Variants in ST8SIA1 observed in about 807,000 individuals in gnomAD.
ST8SIA1 encodes the protein ST8 alpha-N-acetyl-neuraminide alpha-2,8-sialyltransferase 1, also known as alpha-N-acetylneuraminide alpha-2,8-sialyltransferase.
Under a neutral mutation model 35.9 loss-of-function variants are expected in ST8SIA1, and 16 were observed. The ratio of observed to expected loss-of-function variants is 0.45; its 90% CI spans 0.30 to 0.68. ST8SIA1 has a LOEUF of 0.68. Among genes scored for constraint, ST8SIA1 ranks in the 30% least tolerant of loss-of-function variants. The pLI, the probability that ST8SIA1 is intolerant of heterozygous loss-of-function variation, is 0.09. For missense variants in ST8SIA1, 383 were observed against 453.6 expected (o/e 0.84, Z 1.41); for synonymous variants, 170 against 169.6 (o/e 1.00, Z -0.02).
intron 4 of ST8SIA1, among the ~76,000 whole-genome samples, chr12:22,227,299 G>T (rs1865370298): frequency 6.6e-6 from 1 of 151,936 alleles, no homozygotes; most frequent in South Asian, 2.1e-4. Context: ...TTGAGGCCAG[G>T]CGCGGTGGCT....
Position 22,193,556 on chromosome 12 carries a change from A to C in ST8SIA1, c.*7996T>G, listed in dbSNP as rs1161029727. ...AGCAAACCTCCTCCTATGACATTGC[A>C]TTTAGATTCGGTGGAAAGAAGCAAG... is the stretch of plus-strand genomic sequence containing the variant. On this transcript the variant is annotated 3_prime_UTR_variant, in exon 5 of 5. Transcript: ENST00000396037. The C allele has an allele frequency of 6.6e-6, 1 of 152,214 alleles. No individual in the cohort carries two copies. The highest frequency in any genetic ancestry group is 1.5e-5 in the Non-Finnish European group (1 of 68,032). 9.4% of individuals were successfully genotyped at this position (152,214 alleles called of 1,614,324 possible).
In ST8SIA1 at chr12:22,200,040, T is replaced by C. The variant is rs12815906; in HGVS notation, c.*1512A>G. The C allele has an allele frequency of 0.11, 16,194 of 152,284 alleles. 1,111 individuals are homozygous for C. Among genetic ancestry groups the C allele is most frequent in the Middle Eastern group, 0.21 (61 of 294 alleles). 9.4% of individuals were successfully genotyped at this position (152,284 alleles called of 1,614,324 possible). ...GTGTATCAAAGCTGTTGTAACAAGC[T>C]AAGTAGTCCTACCTGCTACTAAGGA... On this transcript the variant is annotated 3_prime_UTR_variant, in exon 5 of 5. Transcript: ENST00000396037.
At chr12:22,244,471 A>T (rs2120736180) in intron 4 of ST8SIA1, among the ~76,000 whole-genome samples, 1 of 152,084 alleles carries the variant, frequency 6.6e-6, no homozygotes, top group Admixed American at 6.6e-5. Flanking sequence ...ATTTTAAATA[A>T]TTATTATTAT....
Position 22,197,044 on chromosome 12 carries a change from C to T in ST8SIA1, c.*4508G>A, listed in dbSNP as rs926336713. 6.6e-6 allele frequency: 1 copy of T among 152,158 alleles called. No individual in the cohort carries two copies. Among genetic ancestry groups the T allele is most frequent in the Non-Finnish European group, 1.5e-5 (1 of 68,056 alleles). The allele number at this position is 152,158 out of a possible 1,614,324, so 9.4% of individuals were successfully genotyped here. A position where few individuals can be genotyped will look rare whatever the true frequency, so the allele number is the denominator to read the frequency against. ...AACTTGCCTCACCCTCCTCCTAGCA[C>T]ATAGTGGAATGAAGTTGCTAGTTAT... is the stretch of plus-strand genomic sequence containing the variant. On this transcript the variant is annotated 3_prime_UTR_variant, in exon 5 of 5. Coordinates refer to ENST00000396037, the MANE Select transcript of ST8SIA1 (RefSeq NM_003034.4).
At chr12:22,293,245 AC>A (rs1866201231) in intron 1 of ST8SIA1, among the ~76,000 whole-genome samples, 1 of 152,242 alleles carries the variant, frequency 6.6e-6, no homozygotes, top group Admixed American at 6.5e-5. Context: ...CAGCACAGAG[AC>A]TACAGGAATA....
At chr12:22,288,745 G>A (rs150446030) in intron 1 of ST8SIA1, among the ~76,000 whole-genome samples, 4 of 152,178 alleles carry the variant, frequency 2.6e-5, no homozygotes, top group Non-Finnish European at 4.4e-5. Context: ...TTGGTAGACC[G>A]AGTGTCTCTT....
chr12:22,231,551 A>G (rs1228769938), intron 4 of ST8SIA1, among the ~76,000 whole-genome samples: 2 of 152,006 alleles, frequency 1.3e-5, no homozygotes, highest in African/African-American at 2.4e-5. Flanking sequence ...TGCTAATGCA[A>G]TAAGATTTTT....
Position 22,196,058 on chromosome 12 carries a change from A to C in ST8SIA1, c.*5494T>G, listed in dbSNP as rs1864983890. ...ATATCCCACAGCTTCAACAAGAAAA[A>C]AATTACCTGAAAGAATTTTAGCACA... On this transcript the variant is annotated 3_prime_UTR_variant, in exon 5 of 5. Transcript: ENST00000396037. The C allele has an allele frequency of 6.6e-6, 1 of 152,202 alleles. No individual in the cohort carries two copies. Among genetic ancestry groups the C allele is most frequent in the African/African-American group, 2.4e-5 (1 of 41,462 alleles). 9.4% of individuals were successfully genotyped at this position (152,202 alleles called of 1,614,324 possible).
At chr12:22,208,032 C>T (rs1865133076) in intron 4 of ST8SIA1, among the ~76,000 whole-genome samples, 1 of 150,238 alleles carries the variant, frequency 6.7e-6, no homozygotes, top group Non-Finnish European at 1.5e-5. Flanking sequence ...AATCTCAGCT[C>T]AGGAGGCTGA....
At chr12:22,269,830 G>A (rs988906911) in intron 2 of ST8SIA1, among the ~76,000 whole-genome samples, 10 of 152,138 alleles carry the variant, frequency 6.6e-5, no homozygotes, top group African/African-American at 2.2e-4. Flanking sequence ...TCCATATAGA[G>A]GTCCTCCTGC....
chr12:22,224,681 T>C (rs1262618619), intron 4 of ST8SIA1, among the ~76,000 whole-genome samples: 2 of 152,232 alleles, frequency 1.3e-5, no homozygotes, highest in Non-Finnish European at 2.9e-5. Context: ...AATGTATAAA[T>C]CATTTTTCTT....
chr12:22,289,557 A>T lies in ST8SIA1; in HGVS notation c.237-2264T>A, dbSNP rs553513188. On this transcript the variant is annotated intron_variant, in intron 1 of 4. Transcript: ENST00000396037. ...ATAGGTATTTTTCTACTGAATTCTC[A>T]CAGTAACCCATGAGCTGGATGACTT... Among the ~76,000 whole-genome samples, 36 of 152,316 alleles carry T rather than the reference A, an allele frequency of 2.4e-4. 2 individuals carry two copies. The South Asian group carries it at 7.0e-3, about 30-fold the overall frequency.
intron 1 of ST8SIA1, among the ~76,000 whole-genome samples, chr12:22,300,165 C>T (rs866121015): frequency 2.6e-5 from 4 of 152,062 alleles, no homozygotes; most frequent in African/African-American, 9.7e-5. Flanking sequence ...GCTTTGACTC[C>T]TGGGTCTAAA....
rs1865017369 is a variant in ST8SIA1, at chr12:22,198,715, G to A, written c.*2837C>T. The A allele has an allele frequency of 6.6e-6, 1 of 152,040 alleles. No homozygotes were observed. Among genetic ancestry groups the A allele is most frequent in the Admixed American group, 6.6e-5 (1 of 15,246 alleles). 9.4% of individuals were successfully genotyped at this position (152,040 alleles called of 1,614,324 possible). ...TCTATCTTTAAGTGAAGACAAGGTG[G>A]AACAATCAAAATTTCATTTTGGTCT... is the stretch of plus-strand genomic sequence containing the variant. On this transcript the variant is annotated 3_prime_UTR_variant, in exon 5 of 5. Coordinates refer to ENST00000396037, the MANE Select transcript of ST8SIA1 (RefSeq NM_003034.4).
intron 4 of ST8SIA1, among the ~76,000 whole-genome samples, chr12:22,226,121 T>G: frequency 6.6e-6 from 1 of 152,366 alleles, no homozygotes; most frequent in African/African-American, 2.4e-5. Flanking sequence ...CATATGTATA[T>G]AGTACATATT....
intron 1 of ST8SIA1, among the ~76,000 whole-genome samples, chr12:22,315,584 T>C (rs928320978): frequency 6.6e-6 from 1 of 152,114 alleles, no homozygotes; most frequent in East Asian, 1.9e-4. Flanking sequence ...CAGATTCTTT[T>C]GATTTAAGCA....
intron 4 of ST8SIA1, chr12:22,248,787 T>C: frequency 2.1e-6 from 1 of 487,254 alleles, no homozygotes; most frequent in East Asian, 3.3e-5. Context: ...TTCTATCATC[T>C]CTAAAGGCAA....
At chr12:22,225,551 T>A (rs1460173250) in intron 4 of ST8SIA1, among the ~76,000 whole-genome samples, 3 of 152,224 alleles carry the variant, frequency 2.0e-5, no homozygotes, top group African/African-American at 7.2e-5. Context: ...GCTATTAATA[T>A]TTCTTGTAAA....
chr12:22,214,501 C>A (rs1865213041), intron 4 of ST8SIA1, among the ~76,000 whole-genome samples: 1 of 137,862 alleles, frequency 7.3e-6, no homozygotes, highest in African/African-American at 2.7e-5. Context: ...TTGCATGTCC[C>A]ATTTAAGGAT....
Sources: allele counts gnomAD v4.1 joint callset (sites outside exome capture counted in the v4.1 genomes callset), GRCh38; gene constraint gnomAD v4.1.1; transcripts MANE v1.5; gene names NCBI Gene and HGNC (gene_info 2026-07-23, HGNC 2026-07-21).